The following PCDHA11 variants were observed in gnomAD, a reference collection of about 807,000 sequenced individuals.
The protein encoded by PCDHA11 is protocadherin alpha-11.
Under a neutral mutation model 70.3 loss-of-function variants are expected in PCDHA11, and 61 were observed. The ratio of observed to expected loss-of-function variants is 0.87; its 90% CI spans 0.71 to 1.07. The LOEUF (loss-of-function observed/expected upper bound fraction) is 1.07, where lower values mean the gene tolerates loss of function less well. PCDHA11 is among the 50% of genes least tolerant of loss of function. The pLI is 0.00. For synonymous variants in PCDHA11, 633 were observed against 555.1 expected (o/e 1.14, Z -1.97); for missense variants, 1,324 against 1,237.5 (o/e 1.07, Z -1.05).
chr5:140,983,363 C>A (rs574253600), intron 3 of PCDHA11, among the ~76,000 whole-genome samples: 33 of 152,290 alleles, frequency 2.2e-4, no homozygotes, highest in African/African-American at 7.9e-4. Context: ...AGAAATATGG[C>A]TTTGGAGGCC....
chr5:140,983,518 C>T (rs1417635641), intron 3 of PCDHA11, among the ~76,000 whole-genome samples: 1 of 152,130 alleles, frequency 6.6e-6, no homozygotes, highest in African/African-American at 2.4e-5. Context: ...AGACACTGTG[C>T]CAAGTACATT....
rs538677309 is a variant in PCDHA11, at chr5:140,927,177, G to T, written c.2392-51772G>T. ...GCAGGGCCAAAGCTGCCTGCGTCTT[G>T]ACCTACGACCTGGTGCTCGAGGACC... On this transcript the variant is annotated intron_variant, in intron 1 of 3. Coordinates refer to ENST00000398640, the MANE Select transcript of PCDHA11 (RefSeq NM_018902.5). 78 of 1,614,148 alleles carry T rather than the reference G, an allele frequency of 4.8e-5. 3 individuals carry two copies. In the East Asian group the frequency reaches 6.7e-4, roughly 14 times the overall value.
intron 3 of PCDHA11, among the ~76,000 whole-genome samples, chr5:140,999,595 C>T (rs1232390404): frequency 1.3e-5 from 2 of 152,148 alleles, no homozygotes; most frequent in East Asian, 3.9e-4. Flanking sequence ...GCCTTCCCTA[C>T]ATCCTGGGGG....
Position 140,869,756 on chromosome 5 carries a change from GA to G in PCDHA11, c.657del (p.Lys219AsnfsTer11). ...LNLLLTATDG[G>X]KPELTGTVRL... ...TTGCTGCTAACAGCTACAGACGGGGGAAAACCAGAGCTTACTGGCACCGTTC... is the reference window on the plus strand; with the variant it reads ...TTGCTGCTAACAGCTACAGACGGGGGAAACCAGAGCTTACTGGCACCGTTC... On this transcript the variant is annotated frameshift_variant, in exon 1 of 4. Coordinates refer to ENST00000398640, the MANE Select transcript of PCDHA11 (RefSeq NM_018902.5). LOFTEE classifies it high-confidence loss of function. 6.2e-7 allele frequency: 1 copy of G among 1,613,194 alleles called. No individual in the cohort carries two copies. Among genetic ancestry groups the G allele is most frequent in the South Asian group, 1.1e-5 (1 of 91,052 alleles).
chr5:140,989,019 T>C (rs1429425323), intron 3 of PCDHA11: 1 of 152,238 alleles, frequency 6.6e-6, no homozygotes, highest in East Asian at 1.9e-4. Context: ...TATAGTTTCT[T>C]CAGTTATCAT....
intron 1 of PCDHA11, among the ~76,000 whole-genome samples, chr5:140,896,526 A>G (rs1554186988): frequency 6.9e-6 from 1 of 144,852 alleles, no homozygotes; most frequent in African/African-American, 2.5e-5. Context: ...CACAAAGCCC[A>G]GCTATTTTTC....
intron 1 of PCDHA11, chr5:140,926,694 G>T: frequency 4.0e-6 from 3 of 746,722 alleles, no homozygotes; most frequent in Non-Finnish European, 5.8e-6. Flanking sequence ...TAGCAAGCCC[G>T]GCTCCCAGCT....
chr5:140,927,260 T>G, intron 1 of PCDHA11: 2 of 1,614,070 alleles, frequency 1.2e-6, no homozygotes, highest in Non-Finnish European at 1.7e-6. Flanking sequence ...AACTCACCTC[T>G]CTTTCCTGCC....
At chr5:140,899,948 C>A (rs2067639860) in intron 1 of PCDHA11, among the ~76,000 whole-genome samples, 1 of 151,682 alleles carries the variant, frequency 6.6e-6, no homozygotes, top group South Asian at 2.1e-4. Context: ...GCTGGGACCA[C>A]AGGCATGTGC....
chr5:140,907,111 C>T (rs1465808747), intron 1 of PCDHA11, among the ~76,000 whole-genome samples: 1 of 152,130 alleles, frequency 6.6e-6, no homozygotes, highest in African/African-American at 2.4e-5. Flanking sequence ...ACTTCCACCC[C>T]TTGATTCCTG....
At chr5:140,902,203 C>CTTTTTTTTT (rs148688132) in intron 1 of PCDHA11, among the ~76,000 whole-genome samples, 1 of 124,460 alleles carries the variant, frequency 8.0e-6, no homozygotes. Flanking sequence ...CTCTCTCTTT[C>CTTTTTTTTT]TTTTTTTTTT....
chr5:140,877,465 G>A, intron 1 of PCDHA11: 1 of 1,613,856 alleles, frequency 6.2e-7, no homozygotes, highest in Non-Finnish European at 8.5e-7. Context: ...CACGGCCACG[G>A]TGCTGGTGTC....
At chr5:140,935,616 C>T (rs1247673748) in intron 1 of PCDHA11, among the ~76,000 whole-genome samples, 13 of 151,976 alleles carry the variant, frequency 8.6e-5, no homozygotes, top group African/African-American at 3.1e-4. Flanking sequence ...TTTTTCAAGT[C>T]GCTTTCAAAT....
In PCDHA11 at chr5:140,923,298, C is replaced by T. The variant is rs1039610789; in HGVS notation, c.2391+51804C>T. ...TACAAAAAATTAAAAATTAGCTGGG[C>T]GTGGGGGCGCTTGGCCTAGAAGTTC... On this transcript the variant is annotated intron_variant, in intron 1 of 3. Transcript: ENST00000398640. Among the ~76,000 whole-genome samples, 28 of 152,160 alleles carry T rather than the reference C, an allele frequency of 1.8e-4. 1 individual carries two copies. The highest frequency in any genetic ancestry group is 4.8e-4 in the African/African-American group (20 of 41,504).
chr5:140,967,334 A>T, intron 1 of PCDHA11: 1 of 1,608,228 alleles, frequency 6.2e-7, no homozygotes, highest in South Asian at 1.1e-5. Flanking sequence ...GCTCAGCCCC[A>T]GCGAGCACTT....
At chr5:140,917,332 G>GC (rs1293292013) in intron 1 of PCDHA11, among the ~76,000 whole-genome samples, 1 of 145,540 alleles carries the variant, frequency 6.9e-6, no homozygotes, top group Non-Finnish European at 1.5e-5. Flanking sequence ...GGCGGGGGAG[G>GC]GGGGGGATGG....
At chr5:140,924,895 AAAAAAAAAAATAAAAT>A (rs200266637) in intron 1 of PCDHA11, among the ~76,000 whole-genome samples, 43,424 of 132,064 alleles carry the variant, frequency 0.33, 6,815 homozygotes, top group East Asian at 0.57. Flanking sequence ...AACCTGTCTC[AAAAAAAAAAATAAAAT>A]AAAATAAAAT....
intron 3 of PCDHA11, among the ~76,000 whole-genome samples, chr5:141,006,870 G>A (rs782345830): frequency 1.1e-4 from 16 of 152,174 alleles, no homozygotes; most frequent in Non-Finnish European, 1.5e-4. Flanking sequence ...GAATAGATTC[G>A]AGGAATCAAG....
In PCDHA11 at chr5:140,869,141, G is replaced by T. The variant is rs782396331; in HGVS notation, c.38G>T (p.Arg13Leu). The change falls in exon 1 of 4, where the codon CGA becomes CTA. Residue 13 changes from arginine (R) to leucine (L), a missense_variant. By Grantham distance (102) the Arg-to-Leu change is moderately radical. Transcript: ENST00000398640. ...GFQRRGLGTP[R>L]LQLWLLLLEF... is the part of the protein sequence containing the mutation. ...CAGAGAAGGGGATTGGGCACCCCAC[G>T]ACTACAGCTCTGGCTTCTCCTCCTC... The T allele has an allele frequency of 6.2e-7, 1 of 1,613,314 alleles. No individual in the cohort carries two copies. Among genetic ancestry groups the T allele is most frequent in the African/African-American group, 1.3e-5 (1 of 75,016 alleles).
Sources: allele counts gnomAD v4.1 joint callset (sites outside exome capture counted in the v4.1 genomes callset), GRCh38; gene constraint gnomAD v4.1.1; transcripts MANE v1.5; gene names NCBI Gene and HGNC (gene_info 2026-07-23, HGNC 2026-07-21).